SUN1: variants seen among roughly 807,000 people sequenced by gnomAD.
SUN1 encodes SUN domain-containing protein 1.
SUN1 carries 61 observed loss-of-function variants against 103.2 expected under a neutral mutation model. That is an observed-to-expected ratio of 0.59 (90% confidence interval 0.48 to 0.73). SUN1 has a LOEUF of 0.73. Ranked by LOEUF, SUN1 falls within the 30% of genes least tolerant of loss-of-function variation. The probability of loss-of-function intolerance (pLI) is 0.00; values close to 1 mark genes in which losing one functional copy is unlikely to be tolerated. For missense variants in SUN1, 1,052 were observed against 1,034.6 expected, an observed-to-expected ratio of 1.02 and a Z score of -0.23; for synonymous variants, 490 against 425.7, an observed-to-expected ratio of 1.15 and a Z score of -1.86.
At chr7:857,560 A>T (rs561774237) in intron 12 of SUN1, among the ~76,000 whole-genome samples, 1 of 152,372 alleles carries the variant, frequency 6.6e-6, no homozygotes, top group Admixed American at 6.5e-5. Flanking sequence ...CGCCACTGAG[A>T]AACACTGCTA....
intron 1 of SUN1, among the ~76,000 whole-genome samples, chr7:819,849 C>T (rs571070634): frequency 1.3e-5 from 2 of 152,036 alleles, no homozygotes; most frequent in African/African-American, 4.8e-5. Context: ...GCTGGGATTA[C>T]AGGCGCCCGC....
intron 13 of SUN1, among the ~76,000 whole-genome samples, chr7:858,605 C>T (rs575242042): frequency 7.2e-5 from 11 of 152,304 alleles, no homozygotes; most frequent in Admixed American, 2.6e-4. Context: ...GATAGACCCA[C>T]GCTGTACCTG....
At chr7:832,411 A>T, upstream of SUN1, 3 of 1,015,790 alleles carry the variant, frequency 3.0e-6, no homozygotes, top group Non-Finnish European at 4.5e-6. Context: ...ACCTGAGTTG[A>T]GTTGCGTGTA....
intron 15 of SUN1, among the ~76,000 whole-genome samples, chr7:865,421 G>GT (rs988481962): frequency 6.6e-6 from 1 of 152,282 alleles, no homozygotes; most frequent in East Asian, 1.9e-4. Context: ...TGCTCTCACT[G>GT]TTTTTTATGG....
chr7:873,122 T>C (rs1470801713), intron 18 of SUN1, 93 bp from the exon 19 acceptor site: 9 of 1,173,092 alleles, frequency 7.7e-6, no homozygotes, highest in Non-Finnish European at 8.9e-6. Context: ...CCAACTCAGC[T>C]GCTTCCTGTC....
At chr7:868,911 G>C (rs111761473) in intron 16 of SUN1, 1 of 114,816 alleles carries the variant, frequency 8.7e-6, no homozygotes, top group African/African-American at 4.8e-5. Context: ...TTGGTCGGAT[G>C]GGGGGACAGT....
At position 866,018 on chromosome 7, in the gene SUN1, T is replaced by G. The variant is rs914879627; in HGVS notation, c.1931T>G (p.Phe644Cys). 1 of 1,614,160 alleles carries G rather than the reference T, an allele frequency of 6.2e-7. No homozygotes were observed. Among genetic ancestry groups the G allele is most frequent in the Non-Finnish European group, 8.5e-7 (1 of 1,180,016 alleles). Residue 644 changes from phenylalanine to cysteine, a missense_variant, in exon 16 of 19, where the codon TTT (phenylalanine) becomes TGT (cysteine). Coordinates refer to ENST00000401592, the MANE Select transcript of SUN1 (RefSeq NM_001130965.3). ...YETKTALMSLFGIPLWYFSQS... is the reference protein window; with the variant it reads ...YETKTALMSLCGIPLWYFSQS... ...ACCAAAACGGCGCTGATGAGTCTGT[T>G]TGGGATCCCGCTGTGGTACTTCTCG...
At chr7:861,842 C>T (rs1270139892) in intron 15 of SUN1, among the ~76,000 whole-genome samples, 1 of 152,214 alleles carries the variant, frequency 6.6e-6, no homozygotes. Flanking sequence ...CAAGACAGAC[C>T]GAGAGCAGAA....
chr7:839,144 AG>A (rs1161484964), intron 2 of SUN1, 158 bp downstream of exon 2: 3 of 626,072 alleles, frequency 4.8e-6, no homozygotes, highest in Non-Finnish European at 7.3e-6. Flanking sequence ...ATAAAGTGGT[AG>A]TTTGCTGCAA....
upstream of SUN1, among the ~76,000 whole-genome samples, chr7:830,565 G>A (rs1796996596): frequency 6.8e-6 from 1 of 146,114 alleles, no homozygotes; most frequent in African/African-American, 2.6e-5. Context: ...TTAAGGGTCT[G>A]TAATCACAGA....
At chr7:859,152 C>CAA (rs140482514) in intron 13 of SUN1, among the ~76,000 whole-genome samples, 17 of 88,686 alleles carry the variant, frequency 1.9e-4, no homozygotes, top group African/African-American at 5.5e-4. Context: ...GACTCCGTCT[C>CAA]AAAAAAAAAA....
At position 872,462 on chromosome 7, in the gene SUN1, G is replaced by A; in HGVS notation, c.2149-8G>A. ...TTCGTTCATAATTGTGTATGGTCTT[G>A]TTTTCAGGGATTAGAAAATGAGTAT... On this transcript the variant is annotated splice_polypyrimidine_tract_variant and splice_region_variant and intron_variant, in intron 17 of 18. Transcript: ENST00000401592. 1.3e-6 allele frequency: 2 copies of A among 1,592,770 alleles called. No individual in the cohort carries two copies. Among genetic ancestry groups the A allele is most frequent in the Non-Finnish European group, 1.7e-6 (2 of 1,168,888 alleles).
upstream of SUN1, among the ~76,000 whole-genome samples, chr7:829,894 G>A (rs1019876204): frequency 2.6e-5 from 4 of 152,162 alleles, no homozygotes; most frequent in African/African-American, 9.6e-5. Context: ...CGGCCATATC[G>A]CTTTACTCTT....
chr7:846,326 C>G (rs1411786908), intron 5 of SUN1, among the ~76,000 whole-genome samples: 2 of 152,136 alleles, frequency 1.3e-5, no homozygotes, highest in Admixed American at 1.3e-4. Flanking sequence ...CCAGGCTGGT[C>G]TTGAACTCCT....
At chr7:830,294 TGG>T (rs1260226679), upstream of SUN1, among the ~76,000 whole-genome samples, 2 of 152,202 alleles carry the variant, frequency 1.3e-5, no homozygotes, top group Non-Finnish European at 2.9e-5. Flanking sequence ...GGCATGAGCC[TGG>T]GCTTCGGCGC....
At chr7:827,842 T>C (rs1268277223), upstream of SUN1, among the ~76,000 whole-genome samples, 1 of 152,156 alleles carries the variant, frequency 6.6e-6, no homozygotes, top group Non-Finnish European at 1.5e-5. Context: ...ATAATATAAA[T>C]TATATACTGT....
upstream of SUN1, among the ~76,000 whole-genome samples, chr7:829,597 C>G (rs1796070531): frequency 6.6e-6 from 1 of 151,406 alleles, no homozygotes; most frequent in Non-Finnish European, 1.5e-5. Context: ...CTCTGTCGCC[C>G]AGGCTGGAGT....
Position 860,051 on chromosome 7 carries a change from ATCT to A in SUN1, c.1525-76_1525-74del, listed in dbSNP as rs1830996671. ...AGAGGATATATAATTCTTCTGAGGT[ATCT>A]AAGATAATGGACCCGAACAGTGGAA... On this transcript the variant is annotated intron_variant, in intron 13 of 18. Transcript: ENST00000401592. The A allele has an allele frequency of 3.2e-6, 5 of 1,539,674 alleles. No homozygotes were observed. In the South Asian group the frequency reaches 6.1e-5, roughly 19 times the overall value.
rs1807357951 is a variant in SUN1, at chr7:839,793, A to G, written c.266+807A>G. On this transcript the variant is annotated intron_variant, in intron 2 of 18. Transcript: ENST00000401592. Reference sequence around the variant, plus strand: ...GGTCTCGAACTCCTGGTCTCAGGTGATCCGCCCATTGCAGCCTCCCAAAGT... The same window carrying G: ...GGTCTCGAACTCCTGGTCTCAGGTGGTCCGCCCATTGCAGCCTCCCAAAGT... 4.5e-5 allele frequency among the ~76,000 whole-genome samples: 2 copies of G among 44,898 alleles called. 1 individual carries two copies. The highest frequency in any genetic ancestry group is 4.7e-4 in the Admixed American group (2 of 4,284). The allele number at this position is 44,898 out of a possible 152,430, so 29.5% of individuals were successfully genotyped here.
Sources: allele counts gnomAD v4.1 joint callset (sites outside exome capture counted in the v4.1 genomes callset), GRCh38; gene constraint gnomAD v4.1.1; transcripts MANE v1.5; gene names NCBI Gene and HGNC (gene_info 2026-07-23, HGNC 2026-07-21).